CRPPA: variants seen among roughly 807,000 people sequenced by gnomAD.
CRPPA encodes D-ribitol-5-phosphate cytidylyltransferase.
Under a neutral mutation model 52.0 loss-of-function variants are expected in CRPPA, and 43 were observed. The observed-to-expected ratio is 0.83, with a 90% CI of 0.65 to 1.07. CRPPA has a LOEUF of 1.07. Ranked by LOEUF, CRPPA falls within the 50% of genes least tolerant of loss-of-function variation. The pLI is 0.00. For missense variants in CRPPA, 629 were observed against 551.7 expected, an observed-to-expected ratio of 1.14 and a Z score of -1.40; for synonymous variants, 250 against 203.5, an observed-to-expected ratio of 1.23 and a Z score of -1.94.
At chr7:16,308,724 G>T in intron 3 of CRPPA, 97 bp from the exon 4 acceptor site, 1 of 728,106 alleles carries the variant, frequency 1.4e-6, no homozygotes, top group Non-Finnish European at 2.4e-6. Context: ...CAAAGGAAGG[G>T]CCTAGGGGGC....
chr7:16,272,546 T>G (rs989854437), intron 6 of CRPPA, among the ~76,000 whole-genome samples: 14 of 152,178 alleles, frequency 9.2e-5, no homozygotes, highest in Non-Finnish European at 1.9e-4. Context: ...CCTTTCAAAG[T>G]AGGATGAAAG....
intron 9 of CRPPA, among the ~76,000 whole-genome samples, chr7:16,110,247 T>G (rs542766152): frequency 1.2e-4 from 19 of 152,168 alleles, no homozygotes; most frequent in African/African-American, 4.3e-4. Context: ...TAGTGAAAAC[T>G]GTAAAACACT....
intron 2 of CRPPA, among the ~76,000 whole-genome samples, chr7:16,398,183 T>G (rs1249129624): frequency 6.6e-6 from 1 of 151,998 alleles, no homozygotes; most frequent in Non-Finnish European, 1.5e-5. Context: ...GATCGGCCTG[T>G]TGCCAACATG....
chr7:16,231,295 C>A (rs1782788822), intron 8 of CRPPA, among the ~76,000 whole-genome samples: 1 of 152,074 alleles, frequency 6.6e-6, no homozygotes, highest in Non-Finnish European at 1.5e-5. Flanking sequence ...TTCTTTAGCC[C>A]TTGTGAACGT....
At chr7:16,224,127 G>C (rs1448215094) in intron 8 of CRPPA, among the ~76,000 whole-genome samples, 2 of 151,948 alleles carry the variant, frequency 1.3e-5, no homozygotes, top group South Asian at 2.1e-4. Flanking sequence ...TGGCTTTGTG[G>C]GTGGGCGAGG....
At chr7:16,195,118 T>C (rs750041790) in intron 9 of CRPPA, among the ~76,000 whole-genome samples, 27 of 152,040 alleles carry the variant, frequency 1.8e-4, no homozygotes, top group Non-Finnish European at 4.0e-4. Context: ...CAAATCAAAG[T>C]AAACCACACA....
At chr7:16,378,379 C>T (rs914318342) in intron 2 of CRPPA, among the ~76,000 whole-genome samples, 9 of 149,538 alleles carry the variant, frequency 6.0e-5, no homozygotes, top group African/African-American at 9.9e-5. Context: ...TTTGTACTTG[C>T]GATAGTTTAC....
intron 9 of CRPPA, among the ~76,000 whole-genome samples, chr7:16,136,825 A>C (rs1291330775): frequency 6.6e-6 from 1 of 152,254 alleles, no homozygotes; most frequent in Non-Finnish European, 1.5e-5. Context: ...TAGATCTCTT[A>C]AAAATGAGAT....
At position 16,226,232 on chromosome 7, in the gene CRPPA, T is replaced by A. The variant is rs532814214; in HGVS notation, c.1120-10035A>T. ...TATAAGATTAACATCTTATACATAT[T>A]TATTCTGAATTTGTCATTAAAAATG... On this transcript the variant is annotated intron_variant, in intron 8 of 9. Coordinates refer to ENST00000407010, the MANE Select transcript of CRPPA (RefSeq NM_001101426.4). 6.5e-4 allele frequency among the ~76,000 whole-genome samples: 99 copies of A among 152,058 alleles called. 1 individual carries two copies. The South Asian group carries it at 0.02, about 30-fold the overall frequency.
chr7:16,192,012 T>C (rs1215311463), intron 9 of CRPPA, among the ~76,000 whole-genome samples: 1 of 152,144 alleles, frequency 6.6e-6, no homozygotes, highest in African/African-American at 2.4e-5. Flanking sequence ...ATTTAATCTT[T>C]GACAAATCAT....
chr7:16,401,645 T>G (rs1222194030), intron 2 of CRPPA, among the ~76,000 whole-genome samples: 2 of 152,230 alleles, frequency 1.3e-5, no homozygotes, highest in Non-Finnish European at 2.9e-5. Flanking sequence ...TTTAACGTGT[T>G]GGTCCTTCTT....
chr7:16,240,030 C>T (rs1170860695), intron 8 of CRPPA, among the ~76,000 whole-genome samples: 3 of 151,902 alleles, frequency 2.0e-5, no homozygotes, highest in African/African-American at 7.2e-5. Flanking sequence ...GTTACATGTC[C>T]ATCACAACTA....
chr7:16,208,953 C>G (rs1177536808), intron 9 of CRPPA: 1 of 394,924 alleles, frequency 2.5e-6, no homozygotes, highest in African/African-American at 2.1e-5. Flanking sequence ...ACGTGGTGAA[C>G]ATTCCTAAAA....
In CRPPA at chr7:16,089,433, G is replaced by T. The variant is rs1318524431; in HGVS notation, c.*2262C>A. The T allele has an allele frequency of 2.0e-5, 7 of 347,568 alleles. No individual in the cohort carries two copies. Among genetic ancestry groups the T allele is most frequent in the Admixed American group, 1.8e-4 (7 of 39,822 alleles). 21.5% of individuals were successfully genotyped at this position (347,568 alleles called of 1,614,324 possible). A position where few individuals can be genotyped will look rare whatever the true frequency, so the allele number is the denominator to read the frequency against. ...TATATGTACGTACATACATATATGT[G>T]TATATATGTACGTGCATACATATAT... is the stretch of plus-strand genomic sequence containing the variant. On this transcript the variant is annotated 3_prime_UTR_variant, in exon 10 of 10. Transcript: ENST00000407010.
intron 2 of CRPPA, among the ~76,000 whole-genome samples, chr7:16,385,159 C>G (rs949186032): frequency 5.9e-5 from 9 of 151,476 alleles, no homozygotes; most frequent in Non-Finnish European, 1.0e-4. Context: ...TGAACAGAGC[C>G]GCAGAATAAA....
At chr7:16,167,791 A>G (rs1781098270) in intron 9 of CRPPA, among the ~76,000 whole-genome samples, 1 of 152,034 alleles carries the variant, frequency 6.6e-6, no homozygotes, top group African/African-American at 2.4e-5. Flanking sequence ...TTTCCCATCT[A>G]TTTACCTAGT....
Position 16,241,973 on chromosome 7 carries a change from G to GGT in CRPPA, c.1119+16416_1119+16417insAC, listed in dbSNP as rs1554296983. 6.2e-3 allele frequency among the ~76,000 whole-genome samples: 664 copies of GGT among 106,310 alleles called. 22 individuals are homozygous for GGT. Among genetic ancestry groups the GGT allele is most frequent in the African/African-American group, 0.014 (372 of 26,594 alleles). The allele number at this position is 106,310 out of a possible 152,430, so 69.7% of individuals were successfully genotyped here. A position where few individuals can be genotyped will look rare whatever the true frequency, so the allele number is the denominator to read the frequency against. On this transcript the variant is annotated intron_variant, in intron 8 of 9. Coordinates refer to ENST00000407010, the MANE Select transcript of CRPPA (RefSeq NM_001101426.4). The stretch of plus-strand genomic sequence containing the variant: ...TTTTTTTTTTTTTTTTTTTTTGTTG[G>GGT]GGGGAGATAGAGTCTCGCTCTGTCA...
At chr7:16,121,904 G>T (rs1782487886) in intron 9 of CRPPA, among the ~76,000 whole-genome samples, 1 of 152,094 alleles carries the variant, frequency 6.6e-6, no homozygotes, top group African/African-American at 2.4e-5. Flanking sequence ...ATTGAGAAAT[G>T]ATGAACATTT....
chr7:16,367,707 G>A lies in CRPPA; in HGVS notation c.684+8385C>T, dbSNP rs958593993. On this transcript the variant is annotated intron_variant, in intron 3 of 9. Coordinates refer to ENST00000407010, the MANE Select transcript of CRPPA (RefSeq NM_001101426.4). ...TACAGGCAGGCTATGAATTATGAAT[G>A]GGAATTCCTGTCATATTTCTTTAAT... Among the ~76,000 whole-genome samples the A allele has an allele frequency of 2.0e-5, 3 of 152,134 alleles. No individual in the cohort carries two copies. In the East Asian group the frequency reaches 5.8e-4, roughly 30 times the overall value.
Sources: gnomAD v4.1 joint callset for allele counts (sites outside exome capture counted in the v4.1 genomes callset) on GRCh38, gnomAD v4.1.1 for gene constraint, MANE v1.5 for transcripts, NCBI Gene and HGNC (gene_info 2026-07-23, HGNC 2026-07-21) for gene names.